The following CCDC149 variants were observed in gnomAD, a reference collection of about 807,000 sequenced individuals.
CCDC149 encodes the protein coiled-coil domain containing 149, also known as coiled-coil domain-containing protein 149.
In CCDC149, 45 loss-of-function variants were observed where a neutral mutation model predicts 59.9. The observed-to-expected ratio is 0.75, with a 90% CI of 0.59 to 0.96. The LOEUF (loss-of-function observed/expected upper bound fraction) is 0.96. CCDC149 is among the 40% of genes least tolerant of loss of function. CCDC149 has a pLI of 0.00. For missense variants in CCDC149, 584 were observed against 664.7 expected, an observed-to-expected ratio of 0.88 and a Z score of 1.33; for synonymous variants, 245 against 260.6, an observed-to-expected ratio of 0.94 and a Z score of 0.58.
chr4:24,870,209 C>T (rs1250552825), intron 3 of CCDC149, among the ~76,000 whole-genome samples: 3 of 152,190 alleles, frequency 2.0e-5, no homozygotes, highest in Non-Finnish European at 4.4e-5. Flanking sequence ...CACTTTTGTA[C>T]TTAAAAAACA....
intron 1 of CCDC149, among the ~76,000 whole-genome samples, chr4:24,928,400 G>A (rs942106473): frequency 3.9e-5 from 6 of 152,138 alleles, no homozygotes; most frequent in African/African-American, 1.4e-4. Flanking sequence ...AGGGAAAGTG[G>A]GCACAAGCTT....
At chr4:24,854,982 C>T (rs1002949490) in intron 3 of CCDC149, among the ~76,000 whole-genome samples, 1 of 152,146 alleles carries the variant, frequency 6.6e-6, no homozygotes, top group Admixed American at 6.5e-5. Flanking sequence ...GCTACCTTAC[C>T]TTTTTTTCTG....
chr4:24,916,520 C>T (rs79540344), upstream of CCDC149, among the ~76,000 whole-genome samples: 17,135 of 152,062 alleles, frequency 0.11, 1,031 homozygotes, highest in Middle Eastern at 0.14. Context: ...CCCAGACACG[C>T]GGGAAAGCCC....
At chr4:24,926,972 TGCAGTGGACTAA>T (rs1722449935) in intron 1 of CCDC149, among the ~76,000 whole-genome samples, 1 of 152,144 alleles carries the variant, frequency 6.6e-6, no homozygotes, top group South Asian at 2.1e-4. Context: ...GTGTGAATGT[TGCAGTGGACTAA>T]GCAGAAGTGG....
At chr4:24,867,913 A>G (rs1451987098) in intron 3 of CCDC149, among the ~76,000 whole-genome samples, 1 of 152,190 alleles carries the variant, frequency 6.6e-6, no homozygotes, top group African/African-American at 2.4e-5. Flanking sequence ...GGGCAATAAT[A>G]CGCACATTGT....
intron 1 of CCDC149, among the ~76,000 whole-genome samples, chr4:24,905,562 G>T (rs953692347): frequency 6.7e-6 from 1 of 150,300 alleles, no homozygotes; most frequent in Non-Finnish European, 1.5e-5. Context: ...CAGCCTCCTG[G>T]GTAGCTGGGA....
chr4:24,927,742 C>T (rs964980316), intron 1 of CCDC149, among the ~76,000 whole-genome samples: 2 of 152,116 alleles, frequency 1.3e-5, no homozygotes, highest in Non-Finnish European at 2.9e-5. Flanking sequence ...CTCCAACATA[C>T]ACCAACTCTG....
upstream of CCDC149, among the ~76,000 whole-genome samples, chr4:24,915,928 C>A (rs1157416522): frequency 6.6e-6 from 1 of 152,196 alleles, no homozygotes; most frequent in Non-Finnish European, 1.5e-5. Flanking sequence ...TCAACAGCAG[C>A]CCAGACTGAC....
chr4:24,850,019 T>C (rs1470770101), intron 4 of CCDC149, among the ~76,000 whole-genome samples: 1 of 152,242 alleles, frequency 6.6e-6, no homozygotes, highest in Non-Finnish European at 1.5e-5. Context: ...CCCCCCTCTG[T>C]TGGGACAGTT....
chr4:24,953,691 A>G (rs1391442703), intron 1 of CCDC149, among the ~76,000 whole-genome samples: 4 of 152,236 alleles, frequency 2.6e-5, no homozygotes, highest in Non-Finnish European at 5.9e-5. Flanking sequence ...AATAATCAGC[A>G]GAAACTGTCC....
intron 4 of CCDC149, among the ~76,000 whole-genome samples, chr4:24,850,268 T>C (rs1717577165): frequency 6.6e-6 from 1 of 152,176 alleles, no homozygotes; most frequent in Admixed American, 6.5e-5. Flanking sequence ...TATCAAGAAC[T>C]AAGAATGCTA....
intron 1 of CCDC149, among the ~76,000 whole-genome samples, chr4:24,909,590 C>T (rs1721750048): frequency 6.6e-6 from 1 of 152,156 alleles, no homozygotes; most frequent in Non-Finnish European, 1.5e-5. Context: ...TATGGTTTGG[C>T]TCTGTGTCCC....
chr4:24,927,981 T>TG (rs1233751366), intron 1 of CCDC149, among the ~76,000 whole-genome samples: 3 of 152,186 alleles, frequency 2.0e-5, no homozygotes, highest in Non-Finnish European at 2.9e-5. Flanking sequence ...CTCTATAAAA[T>TG]GGCTCACCCC....
intron 1 of CCDC149, among the ~76,000 whole-genome samples, chr4:24,975,524 G>A (rs1366306755): frequency 6.9e-6 from 1 of 145,206 alleles, no homozygotes; most frequent in African/African-American, 2.5e-5. Flanking sequence ...GGAAAAGTAG[G>A]ATAGGGAAGG....
At chr4:24,946,436 T>C (rs1448654476) in intron 1 of CCDC149, among the ~76,000 whole-genome samples, 1 of 152,224 alleles carries the variant, frequency 6.6e-6, no homozygotes, top group African/African-American at 2.4e-5. Context: ...ACTTATTTAC[T>C]TTGATTTTTG....
chr4:24,830,357 C>T (rs577155658), intron 9 of CCDC149: 2 of 152,278 alleles, frequency 1.3e-5, no homozygotes, highest in South Asian at 2.1e-4. Context: ...CTTTTCATTC[C>T]TTGGTTAAGA....
intron 1 of CCDC149, among the ~76,000 whole-genome samples, chr4:24,944,539 T>TA (rs1723049005): frequency 6.8e-6 from 1 of 148,096 alleles, no homozygotes; most frequent in South Asian, 2.2e-4. Context: ...TCCTAAAACT[T>TA]AAAGTATAAT....
intron 1 of CCDC149, among the ~76,000 whole-genome samples, chr4:24,959,502 A>G (rs1169631793): frequency 6.6e-6 from 1 of 152,154 alleles, no homozygotes; most frequent in African/African-American, 2.4e-5. Flanking sequence ...AGAAAAAAAA[A>G]ATTTGAATAA....
Position 24,808,812 on chromosome 4 carries a change from A to G in CCDC149, c.1200T>C (p.Ala400=), listed in dbSNP as rs1338434305. Residue 400 remains alanine, a synonymous_variant, in exon 13 of 13, where the codon GCT becomes GCC. Coordinates refer to ENST00000635206, the MANE Select transcript of CCDC149 (RefSeq NM_001330643.2). ...AACTTTCATCTTCTTCTTGCTTCTG[A>G]GCCTCCCCTGAAAACAGAACGAGGA... 1.3e-6 allele frequency: 2 copies of G among 1,547,462 alleles called. No individual in the cohort carries two copies. Among genetic ancestry groups the G allele is most frequent in the Non-Finnish European group, 1.7e-6 (2 of 1,145,372 alleles).
Sources: allele counts gnomAD v4.1 joint callset (sites outside exome capture counted in the v4.1 genomes callset), GRCh38; gene constraint gnomAD v4.1.1; transcripts MANE v1.5; gene names NCBI Gene and HGNC (gene_info 2026-07-23, HGNC 2026-07-21).